The following ACAD11 variants were observed in gnomAD, a reference collection of about 807,000 sequenced individuals.
ACAD11 encodes acyl-CoA dehydrogenase family member 11, also known as acyl-Coenzyme A dehydrogenase family, member 11.
In ACAD11, 83 loss-of-function variants were observed where a neutral mutation model predicts 102.2. The ratio of observed to expected loss-of-function variants is 0.81; its 90% CI spans 0.68 to 0.97. The LOEUF is 0.97. Among genes scored for constraint, ACAD11 ranks in the 50% least tolerant of loss-of-function variants. The probability of loss-of-function intolerance (pLI) is 0.00; values close to 1 mark genes in which losing one functional copy is unlikely to be tolerated. For synonymous variants in ACAD11, 324 were observed against 319.8 expected (o/e 1.01, Z -0.14); for missense variants, 901 against 951.7 (o/e 0.95, Z 0.70).
chr3:132,640,384 A>G (rs73002014), intron 4 of ACAD11, among the ~76,000 whole-genome samples: 1,884 of 152,228 alleles, frequency 0.012, 38 homozygotes, highest in African/African-American at 0.043. Context: ...CACCGCGCCC[A>G]GCCTACTTTT....
At chr3:132,659,526 A>T in intron 1 of ACAD11, 77 bp downstream of exon 1, 1 of 1,591,348 alleles carries the variant, frequency 6.3e-7, no homozygotes, top group Non-Finnish European at 8.5e-7. Flanking sequence ...GAAACTTAGG[A>T]AACCACCCAG....
chr3:132,584,536 A>G (rs1490394506), intron 13 of ACAD11, among the ~76,000 whole-genome samples: 5 of 152,160 alleles, frequency 3.3e-5, no homozygotes, highest in Admixed American at 6.6e-5. Context: ...GTGTCTTTCA[A>G]TTGGAGCATT....
At chr3:132,564,713 T>C (rs1467575435) in intron 17 of ACAD11, among the ~76,000 whole-genome samples, 1 of 152,210 alleles carries the variant, frequency 6.6e-6, no homozygotes, top group Non-Finnish European at 1.5e-5. Flanking sequence ...AATAAGTATG[T>C]CTGATATCCT....
intron 16 of ACAD11, 67 bp downstream of exon 16, chr3:132,576,877 C>T (rs1181061187): frequency 1.0e-5 from 12 of 1,155,822 alleles, no homozygotes; most frequent in Non-Finnish European, 1.4e-5. Context: ...AAAGACTTAT[C>T]TTTTCCAGAT....
At chr3:132,585,141 C>T (rs935353529) in intron 13 of ACAD11, among the ~76,000 whole-genome samples, 2 of 152,074 alleles carry the variant, frequency 1.3e-5, no homozygotes, top group African/African-American at 4.8e-5. Flanking sequence ...GGTACCAAAA[C>T]AGAGATATAG....
intron 13 of ACAD11, chr3:132,600,760 A>C (rs139873131): frequency 0.013 from 21,495 of 1,613,588 alleles, 84 homozygotes; most frequent in Non-Finnish European, 0.016. Context: ...TGTACACACT[A>C]AACTTTGTCT....
At chr3:132,580,697 TA>T (rs1314276228) in intron 13 of ACAD11, among the ~76,000 whole-genome samples, 1 of 152,070 alleles carries the variant, frequency 6.6e-6, no homozygotes, top group African/African-American at 2.4e-5. Context: ...AGACACATAC[TA>T]AAATATTTGG....
chr3:132,628,111 C>G (rs1236236563), intron 8 of ACAD11, among the ~76,000 whole-genome samples: 10 of 152,096 alleles, frequency 6.6e-5, no homozygotes, highest in Admixed American at 2.0e-4. Context: ...AACATTTACA[C>G]AATCAAGTGG....
chr3:132,583,019 G>T (rs1032399669), intron 13 of ACAD11, among the ~76,000 whole-genome samples: 2 of 152,074 alleles, frequency 1.3e-5, no homozygotes, highest in Admixed American at 1.3e-4. Flanking sequence ...CTGTTTTTTT[G>T]TTGTGTCTCT....
intron 7 of ACAD11, among the ~76,000 whole-genome samples, chr3:132,629,538 C>A (rs534861676): frequency 2.5e-4 from 38 of 152,200 alleles, no homozygotes; most frequent in African/African-American, 6.7e-4. Flanking sequence ...AATTTAAAGC[C>A]TATTTGGTAT....
chr3:132,563,526 T>TA (rs200611416), intron 17 of ACAD11, among the ~76,000 whole-genome samples: 775 of 152,156 alleles, frequency 5.1e-3, no homozygotes, highest in Non-Finnish European at 7.3e-3. Context: ...GAGTAGTACT[T>TA]AAAAAAAACT....
intron 12 of ACAD11, 147 bp downstream of exon 12, chr3:132,604,951 T>C: frequency 1.9e-6 from 1 of 523,594 alleles, no homozygotes; most frequent in Non-Finnish European, 3.4e-6. Flanking sequence ...CAAAATTTAA[T>C]AACAGGCTCA....
At chr3:132,626,653 C>T in intron 9 of ACAD11, 38 bp downstream of exon 9, 1 of 1,608,854 alleles carries the variant, frequency 6.2e-7, no homozygotes, top group Non-Finnish European at 8.5e-7. Flanking sequence ...CATTGATAGT[C>T]CTTTAGCAGA....
intron 11 of ACAD11, among the ~76,000 whole-genome samples, chr3:132,616,022 A>G (rs1021892434): frequency 1.8e-4 from 28 of 152,220 alleles, no homozygotes; most frequent in Admixed American, 6.5e-5. Context: ...TTTTATACTT[A>G]AGAAACCTCT....
At chr3:132,586,496 A>G (rs1366702280) in intron 13 of ACAD11, among the ~76,000 whole-genome samples, 1 of 152,174 alleles carries the variant, frequency 6.6e-6, no homozygotes, top group Non-Finnish European at 1.5e-5. Flanking sequence ...TGTAATAAAA[A>G]AAAAACCACA....
intron 17 of ACAD11, among the ~76,000 whole-genome samples, chr3:132,570,992 G>A (rs534508041): frequency 4.2e-4 from 64 of 152,178 alleles, no homozygotes; most frequent in African/African-American, 1.4e-3. Flanking sequence ...TGTCTTTAAC[G>A]TAGAATGACT....
intron 5 of ACAD11, among the ~76,000 whole-genome samples, chr3:132,634,686 G>A (rs1275956481): frequency 2.0e-5 from 3 of 152,112 alleles, no homozygotes; most frequent in African/African-American, 7.2e-5. Flanking sequence ...ACTGGATTAA[G>A]AAAATGTGGC....
chr3:132,596,828 T>A (rs767051257), intron 13 of ACAD11, among the ~76,000 whole-genome samples: 3 of 152,232 alleles, frequency 2.0e-5, no homozygotes, highest in Non-Finnish European at 2.9e-5. Flanking sequence ...TAAATTCTAT[T>A]GCAAATACCT....
At chr3:132,611,939 A>G (rs1939171845) in intron 11 of ACAD11, among the ~76,000 whole-genome samples, 1 of 152,224 alleles carries the variant, frequency 6.6e-6, no homozygotes, top group East Asian at 1.9e-4. Context: ...CCAAAAGAAC[A>G]AAGCTGGAGG....
Sources: allele counts gnomAD v4.1 joint callset (sites outside exome capture counted in the v4.1 genomes callset), GRCh38; gene constraint gnomAD v4.1.1; transcripts MANE v1.5; gene names NCBI Gene and HGNC (gene_info 2026-07-23, HGNC 2026-07-21).